Variants in OR9A4 observed in about 807,000 individuals in gnomAD.
The protein encoded by OR9A4 is olfactory receptor 9A4.
In OR9A4, 16 loss-of-function variants were observed where a neutral mutation model predicts 17.1. That is an observed-to-expected ratio of 0.94 (90% CI 0.64 to 1.43). The LOEUF (loss-of-function observed/expected upper bound fraction) is 1.43. OR9A4 is among the 40% of genes most tolerant of loss of function. OR9A4 has a pLI of 0.00. For missense variants in OR9A4, 392 were observed against 382.1 expected (o/e 1.03, Z -0.22); for synonymous variants, 167 against 143.3 (o/e 1.17, Z -1.18).
intron 1 of OR9A4, among the ~76,000 whole-genome samples, chr7:141,917,283 G>A (rs1160299565): frequency 6.6e-6 from 1 of 152,164 alleles, no homozygotes; most frequent in Admixed American, 6.5e-5. Flanking sequence ...GCCTAACACA[G>A]GTTTGAGAGG....
rs782514309 is a variant in OR9A4 at position 141,919,593 on chromosome 7, A to G, written c.718A>G (p.Thr240Ala). The G allele has an allele frequency of 7.4e-6, 12 of 1,613,958 alleles. No homozygotes were observed. The Admixed American group carries it at 8.3e-5, about 11-fold the overall frequency. Residue 240 changes from threonine to alanine, a missense_variant, in exon 2 of 2, where the codon ACT becomes GCT. By Grantham distance (58) the Thr-to-Ala change is moderately conservative (BLOSUM62 0). Transcript: ENST00000641559. Reference sequence around the variant, plus strand: ...CTCTGGCCGGAGGAAATCCTTCTCCACTTGTGCCTCCCACTTCACCTGTGT... The same window carrying G: ...CTCTGGCCGGAGGAAATCCTTCTCCGCTTGTGCCTCCCACTTCACCTGTGT... ...SSSGRRKSFSTCASHFTCVVI... is the reference protein window; with the variant it reads ...SSSGRRKSFSACASHFTCVVI...
chr7:141,920,044 A>G lies in OR9A4; in HGVS notation c.*224A>G, dbSNP rs1802256764. On this transcript the variant is annotated 3_prime_UTR_variant, in exon 2 of 2. Transcript: ENST00000641559. ...GACATGTCTTGCTATCTAGCTATCT[A>G]TCTATCATCTGCCTTTCTTAAGATA... The G allele has an allele frequency of 2.2e-6, 1 of 453,676 alleles. No individual in the cohort carries two copies. Among genetic ancestry groups the G allele is most frequent in the African/African-American group, 2.0e-5 (1 of 51,152 alleles). 28.1% of individuals were successfully genotyped at this position (453,676 alleles called of 1,614,324 possible). A position where few individuals can be genotyped will look rare whatever the true frequency, so the allele number is the denominator to read the frequency against.
At chr7:141,918,549 G>GGCC (rs1272971356) in intron 1 of OR9A4, among the ~76,000 whole-genome samples, 1 of 152,246 alleles carries the variant, frequency 6.6e-6, no homozygotes, top group Non-Finnish European at 1.5e-5. Context: ...CAGACAGGGT[G>GGCC]GCCGGTGAGA....
At position 141,919,918 on chromosome 7, in the gene OR9A4, G is replaced by A. The variant is rs2128958851; in HGVS notation, c.*98G>A. On this transcript the variant is annotated 3_prime_UTR_variant, in exon 2 of 2. Coordinates refer to ENST00000641559, the MANE Select transcript of OR9A4 (RefSeq NM_001001656.3). ...ATCTTTGAACTGCATCATAATTATT[G>A]CCATTATCAAATGATTTGCATGCAA... 3 of 934,204 alleles carry A rather than the reference G, an allele frequency of 3.2e-6. No homozygotes were observed. Among genetic ancestry groups the A allele is most frequent in the South Asian group, 2.0e-5 (1 of 50,112 alleles). The allele number at this position is 934,204 out of a possible 1,614,324, so 57.9% of individuals were successfully genotyped here. A position where few individuals can be genotyped will look rare whatever the true frequency, so the allele number is the denominator to read the frequency against.
chr7:141,916,955 AG>A (rs1283572781), intron 1 of OR9A4, among the ~76,000 whole-genome samples: 1 of 152,188 alleles, frequency 6.6e-6, no homozygotes, highest in Non-Finnish European at 1.5e-5. Flanking sequence ...GAGAGATTGC[AG>A]GTTGACTTTA....
intron 1 of OR9A4, among the ~76,000 whole-genome samples, chr7:141,917,893 T>C (rs1325817799): frequency 6.6e-6 from 1 of 152,104 alleles, no homozygotes; most frequent in Non-Finnish European, 1.5e-5. Flanking sequence ...AAGAAGTGGG[T>C]AATCCACTCA....
Position 141,919,018 on chromosome 7 carries a change from T to C in OR9A4, c.143T>C (p.Val48Ala), listed in dbSNP as rs370687041. 34 of 1,614,058 alleles carry C rather than the reference T, an allele frequency of 2.1e-5. No homozygotes were observed. Among genetic ancestry groups the C allele is most frequent in the Admixed American group, 2.0e-4 (12 of 60,002 alleles). The change falls in exon 2 of 2, where the codon GTC becomes GCC. Residue 48 changes from valine to alanine, a missense_variant. Val to Ala is a moderately conservative substitution (Grantham distance 64). Coordinates refer to ENST00000641559, the MANE Select transcript of OR9A4 (RefSeq NM_001001656.3). The stretch of plus-strand genomic sequence containing the variant: ...GGAAACACAGTCATCATCATGATTG[T>C]CTGTGTGGATAAACGTCTGCAGTCC... The part of the protein sequence containing the change: ...LMGNTVIIMI[V>A]CVDKRLQSPM...
In OR9A4 at chr7:141,919,505, T is replaced by G. The variant is rs1802245674; in HGVS notation, c.630T>G (p.Ser210=). The change falls in exon 2 of 2, where the codon TCT becomes TCG. Residue 210 remains serine, a synonymous_variant. Coordinates refer to ENST00000641559, the MANE Select transcript of OR9A4 (RefSeq NM_001001656.3). ...FLMAVFVLFG[S]LIPTIVSNAY... ...TGGCTGTTTTTGTTCTCTTTGGTTC[T>G]TTGATCCCTACAATTGTCTCCAACG... 6.2e-7 allele frequency: 1 copy of G among 1,614,102 alleles called. No individual in the cohort carries two copies. Among genetic ancestry groups the G allele is most frequent in the African/African-American group, 1.3e-5 (1 of 74,930 alleles).
chr7:141,917,291 AG>A (rs1414084812), intron 1 of OR9A4, among the ~76,000 whole-genome samples: 35 of 152,200 alleles, frequency 2.3e-4, no homozygotes, highest in African/African-American at 8.2e-4. Flanking sequence ...CAGGTTTGAG[AG>A]GAAGGTGTGC....
chr7:141,919,044 C>G lies in OR9A4; in HGVS notation c.169C>G (p.Pro57Ala), dbSNP rs200119127. Residue 57 changes from proline to alanine, a missense_variant, in exon 2 of 2, where the codon CCC (proline) becomes GCC (alanine). Transcript: ENST00000641559. ...CTGTGTGGATAAACGTCTGCAGTCC[C>G]CCATGTATTTCTTCCTCGGCCACCT... ...IVCVDKRLQS[P>A]MYFFLGHLSA... 9.5e-4 allele frequency: 1,528 copies of G among 1,614,124 alleles called. 1 individual carries two copies. The highest frequency in any genetic ancestry group is 1.2e-3 in the Non-Finnish European group (1,459 of 1,180,032).
intron 1 of OR9A4, 38 bp from the exon 2 acceptor site, chr7:141,918,808 T>G (rs1802225685): frequency 2.5e-6 from 3 of 1,178,778 alleles, no homozygotes; most frequent in Non-Finnish European, 2.4e-6. Flanking sequence ...CTTAATCTTT[T>G]TAGGATAAGC....
At chr7:141,917,979 C>G (rs1802212963) in intron 1 of OR9A4, among the ~76,000 whole-genome samples, 1 of 152,148 alleles carries the variant, frequency 6.6e-6, no homozygotes, top group South Asian at 2.1e-4. Context: ...GTGACAATGT[C>G]CTGGATAGAC....
intron 1 of OR9A4, among the ~76,000 whole-genome samples, chr7:141,918,428 T>A (rs538265871): frequency 6.6e-6 from 1 of 152,160 alleles, no homozygotes; most frequent in South Asian, 2.1e-4. Context: ...TATAATTGTT[T>A]AGATGCATTA....
chr7:141,917,644 A>C (rs1350076601), intron 1 of OR9A4, among the ~76,000 whole-genome samples: 1 of 152,194 alleles, frequency 6.6e-6, no homozygotes, highest in African/African-American at 2.4e-5. Context: ...TCCACACCAC[A>C]GCTGTTTTCT....
Position 141,919,258 on chromosome 7 carries a change from A to T in OR9A4, c.383A>T (p.Asn128Ile). The T allele has an allele frequency of 6.2e-7, 1 of 1,613,996 alleles. No individual in the cohort carries two copies. The highest frequency in any genetic ancestry group is 8.5e-7 in the Non-Finnish European group (1 of 1,180,000). Residue 128 changes from asparagine (N) to isoleucine (I), a missense_variant, in exon 2 of 2, where the codon AAC (asparagine) becomes ATC (isoleucine). Transcript: ENST00000641559. ...MAVDRYVAVC[N>I]PLRYNIIMNR... ...GTGGACCGTTATGTGGCTGTCTGTA[A>T]CCCTCTGAGGTACAACATCATTATG...
In OR9A4 at chr7:141,916,608, A is replaced by G. The variant is rs1461857601; in HGVS notation, c.-59A>G. On this transcript the variant is annotated 5_prime_UTR_variant, in exon 1 of 2. Coordinates refer to ENST00000641559, the MANE Select transcript of OR9A4 (RefSeq NM_001001656.3). The stretch of plus-strand genomic sequence containing the variant: ...GGGCTGGTCCCTGGGGAGCAGTAGA[A>G]CTTTCCAGTCCAGGCTGCTTCTCCG... The G allele has an allele frequency of 3.9e-5, 6 of 152,282 alleles. No individual in the cohort carries two copies. In the East Asian group the frequency reaches 1.2e-3, roughly 29 times the overall value. 9.4% of individuals were successfully genotyped at this position (152,282 alleles called of 1,614,324 possible). A position where few individuals can be genotyped will look rare whatever the true frequency, so the allele number is the denominator to read the frequency against.
chr7:141,919,509 A>AT lies in OR9A4; in HGVS notation c.635dup (p.Thr214TyrfsTer56). On this transcript the variant is annotated frameshift_variant, in exon 2 of 2. Coordinates refer to ENST00000641559, the MANE Select transcript of OR9A4 (RefSeq NM_001001656.3). LOFTEE classifies it high-confidence loss of function. The stretch of plus-strand genomic sequence containing the variant: ...TGTTTTTGTTCTCTTTGGTTCTTTG[A>AT]TCCCTACAATTGTCTCCAACGCCTA... 1 of 1,613,836 alleles carries AT rather than the reference A, an allele frequency of 6.2e-7. No individual in the cohort carries two copies. The highest frequency in any genetic ancestry group is 2.2e-5 in the East Asian group (1 of 44,856).
chr7:141,919,557 A>T lies in OR9A4; in HGVS notation c.682A>T (p.Ile228Phe). The T allele has an allele frequency of 6.2e-7, 1 of 1,614,106 alleles. No individual in the cohort carries two copies. Among genetic ancestry groups the T allele is most frequent in the Non-Finnish European group, 8.5e-7 (1 of 1,180,024 alleles). Residue 228 changes from isoleucine (I) to phenylalanine (F), a missense_variant, in exon 2 of 2, where the codon ATC becomes TTC. Coordinates refer to ENST00000641559, the MANE Select transcript of OR9A4 (RefSeq NM_001001656.3). ...NAYIISTILK[I>F]PSSSGRRKSF... Reference sequence around the variant, plus strand: ...CTACATCATCTCCACCATTCTCAAGATCCCGTCATCCTCTGGCCGGAGGAA... The same window carrying T: ...CTACATCATCTCCACCATTCTCAAGTTCCCGTCATCCTCTGGCCGGAGGAA...
chr7:141,919,017 G>A lies in OR9A4; in HGVS notation c.142G>A (p.Val48Ile), dbSNP rs782723001. 1.2e-6 allele frequency: 2 copies of A among 1,614,114 alleles called. No homozygotes were observed. Among genetic ancestry groups the A allele is most frequent in the South Asian group, 1.1e-5 (1 of 91,066 alleles). ...LMGNTVIIMI[V>I]CVDKRLQSPM... ...GGGAAACACAGTCATCATCATGATTGTCTGTGTGGATAAACGTCTGCAGTC... is the reference window on the plus strand; with the variant it reads ...GGGAAACACAGTCATCATCATGATTATCTGTGTGGATAAACGTCTGCAGTC... The change falls in exon 2 of 2, where the codon GTC becomes ATC. Residue 48 changes from valine (V) to isoleucine (I), a missense_variant. Transcript: ENST00000641559.
Sources: allele counts gnomAD v4.1 joint callset (sites outside exome capture counted in the v4.1 genomes callset), GRCh38; gene constraint gnomAD v4.1.1; transcripts MANE v1.5; gene names NCBI Gene and HGNC (gene_info 2026-07-23, HGNC 2026-07-21).